Variants in CEP112 observed in about 807,000 individuals in gnomAD.
The protein encoded by CEP112 is centrosomal protein 112.
Under a neutral mutation model 153.0 loss-of-function variants are expected in CEP112, and 127 were observed. That is an observed-to-expected ratio of 0.83 (90% confidence interval 0.72 to 0.96). The LOEUF (loss-of-function observed/expected upper bound fraction) is 0.96. Ranked by LOEUF, CEP112 falls within the 40% of genes least tolerant of loss-of-function variation. The pLI, the probability that CEP112 is intolerant of heterozygous loss-of-function variation, is 0.00. For synonymous variants in CEP112, 358 were observed against 374.4 expected (o/e 0.96, Z 0.51); for missense variants, 1,089 against 1,101.2 (o/e 0.99, Z 0.16).
At chr17:66,081,183 TAAAAA>T (rs1248493135) in intron 8 of CEP112, among the ~76,000 whole-genome samples, 3 of 151,728 alleles carry the variant, frequency 2.0e-5, no homozygotes, top group African/African-American at 7.3e-5. Flanking sequence ...TAAAATAAAA[TAAAAA>T]ATAAAAATAA....
chr17:66,038,109 AAAAAAGAAAAG>A (rs535390244), intron 12 of CEP112, among the ~76,000 whole-genome samples: 5 of 149,478 alleles, frequency 3.3e-5, no homozygotes, highest in Admixed American at 6.6e-5. Context: ...TCAAAAAAAA[AAAAAAGAAAAG>A]AAAAGAAAAG....
rs149318889 is a variant in CEP112 at position 66,066,382 on chromosome 17, G to A, written c.955+396C>T. 7.2e-4 allele frequency among the ~76,000 whole-genome samples: 110 copies of A among 152,194 alleles called. 1 individual carries two copies. The East Asian group carries it at 0.015, about 21-fold the overall frequency. On this transcript the variant is annotated intron_variant, in intron 10 of 26. Coordinates refer to ENST00000535342, the MANE Select transcript of CEP112 (RefSeq NM_001199165.4). ...AATGTAATGAATTTTACTAGATAAA[G>A]AAGAATAATTTCCTTTGACTTCCTC...
At chr17:65,914,610 G>A (rs750346753) in intron 19 of CEP112, among the ~76,000 whole-genome samples, 6 of 152,026 alleles carry the variant, frequency 3.9e-5, no homozygotes, top group African/African-American at 7.3e-5. Context: ...TACCTAAGGC[G>A]AGTCCCTTCA....
chr17:65,848,764 C>T (rs2057816491), intron 21 of CEP112, among the ~76,000 whole-genome samples: 1 of 152,210 alleles, frequency 6.6e-6, no homozygotes, highest in South Asian at 2.1e-4. Context: ...CCTCCTCCGA[C>T]CAGAAACTTC....
At chr17:65,972,669 T>A (rs2062885854) in intron 17 of CEP112, among the ~76,000 whole-genome samples, 2 of 152,210 alleles carry the variant, frequency 1.3e-5, no homozygotes, top group South Asian at 2.1e-4. Flanking sequence ...ATACAAATTA[T>A]CAATATTACA....
intron 24 of CEP112, among the ~76,000 whole-genome samples, chr17:65,681,990 TTTTC>T (rs1483974755): frequency 7.0e-4 from 106 of 151,542 alleles, no homozygotes; most frequent in East Asian, 2.5e-3. Flanking sequence ...TGAATTTTTC[TTTTC>T]TTTCTTTCTT....
At chr17:66,145,569 T>A (rs2070885779) in intron 4 of CEP112, among the ~76,000 whole-genome samples, 1 of 152,158 alleles carries the variant, frequency 6.6e-6, no homozygotes, top group African/African-American at 2.4e-5. Flanking sequence ...TCTTACAGCA[T>A]AATTTGATAA....
chr17:65,898,979 C>T (rs777229995), intron 20 of CEP112, among the ~76,000 whole-genome samples: 4 of 152,158 alleles, frequency 2.6e-5, no homozygotes, highest in Non-Finnish European at 5.9e-5. Context: ...AACCTATGTT[C>T]TATTTTTCCT....
intron 21 of CEP112, among the ~76,000 whole-genome samples, chr17:65,848,146 C>T (rs562032278): frequency 5.7e-4 from 87 of 152,320 alleles, no homozygotes; most frequent in Non-Finnish European, 1.0e-3. Flanking sequence ...CCATGTTCAG[C>T]CCCAAAATAT....
At chr17:66,164,801 G>A (rs1810035270) in intron 4 of CEP112, among the ~76,000 whole-genome samples, 1 of 151,730 alleles carries the variant, frequency 6.6e-6, no homozygotes, top group Non-Finnish European at 1.5e-5. Flanking sequence ...GTTGTGGTGA[G>A]CCGAGATCGT....
At chr17:65,816,794 T>C (rs1396512883) in intron 21 of CEP112, among the ~76,000 whole-genome samples, 4 of 152,048 alleles carry the variant, frequency 2.6e-5, no homozygotes, top group Non-Finnish European at 5.9e-5. Flanking sequence ...AGGATAATGA[T>C]AAGTTCATAA....
At chr17:65,764,592 C>CT (rs559249370) in intron 21 of CEP112, among the ~76,000 whole-genome samples, 3,538 of 139,706 alleles carry the variant, frequency 0.025, 54 homozygotes, top group African/African-American at 0.056. Context: ...CTTCTGTTCT[C>CT]TTTTTTTTTT....
intron 17 of CEP112, among the ~76,000 whole-genome samples, chr17:65,987,179 C>T (rs906476596): frequency 6.6e-6 from 1 of 151,964 alleles, no homozygotes; most frequent in African/African-American, 2.4e-5. Flanking sequence ...CTATGAAATA[C>T]AAGGTAAAAT....
chr17:65,704,609 T>C (rs746481829), intron 23 of CEP112, among the ~76,000 whole-genome samples: 1 of 152,180 alleles, frequency 6.6e-6, no homozygotes, highest in Non-Finnish European at 1.5e-5. Context: ...TGTGTGTACA[T>C]GGTCGTATCA....
In CEP112 at chr17:66,066,455, G is replaced by A. The variant is rs567954368; in HGVS notation, c.955+323C>T. ...TCTATGACTGCCCTCAATACTCTATGGCAGCTGTATCCCAATGAGGCTAGA... is the reference window on the plus strand; with the variant it reads ...TCTATGACTGCCCTCAATACTCTATAGCAGCTGTATCCCAATGAGGCTAGA... On this transcript the variant is annotated intron_variant, in intron 10 of 26. Transcript: ENST00000535342. 4.3e-4 allele frequency among the ~76,000 whole-genome samples: 66 copies of A among 152,078 alleles called. 1 individual carries two copies. Among genetic ancestry groups the A allele is most frequent in the Non-Finnish European group, 3.4e-4 (23 of 67,994 alleles).
At chr17:65,687,100 A>ACAGTACACCAGTACACCAGT (rs2047836388) in intron 24 of CEP112, among the ~76,000 whole-genome samples, 1 of 151,982 alleles carries the variant, frequency 6.6e-6, no homozygotes, top group Non-Finnish European at 1.5e-5. Context: ...CAGTATGTGT[A>ACAGTACACCAGTACACCAGT]ACATTTATTG....
In CEP112 at chr17:66,121,863, T is replaced by G. The variant is rs114602887; in HGVS notation, c.642+7883A>C. Among the ~76,000 whole-genome samples the G allele has an allele frequency of 1.8e-3, 274 of 152,252 alleles. 2 individuals are homozygous for G. The highest frequency in any genetic ancestry group is 6.1e-3 in the African/African-American group (255 of 41,562). On this transcript the variant is annotated intron_variant, in intron 6 of 26. Coordinates refer to ENST00000535342, the MANE Select transcript of CEP112 (RefSeq NM_001199165.4). ...TCTTTATGATATTCTGTATTTGATG[T>G]GATATGGTCATCACAGCTTTCTGTT...
At chr17:66,186,023 A>C in intron 1 of CEP112, among the ~76,000 whole-genome samples, 1 of 145,060 alleles carries the variant, frequency 6.9e-6, no homozygotes. Flanking sequence ...AATCTCTCTC[A>C]TTCTCTCTCT....
At chr17:65,864,913 A>AGTGTGTGT (rs6146121) in intron 20 of CEP112, among the ~76,000 whole-genome samples, 9 of 144,606 alleles carry the variant, frequency 6.2e-5, no homozygotes, top group Non-Finnish European at 9.1e-5. Flanking sequence ...GGGGTAAGCA[A>AGTGTGTGT]GTGTGTGTGT....
Sources: allele counts gnomAD v4.1 joint callset (sites outside exome capture counted in the v4.1 genomes callset), GRCh38; gene constraint gnomAD v4.1.1; transcripts MANE v1.5; gene names NCBI Gene and HGNC (gene_info 2026-07-23, HGNC 2026-07-21).